RAD9A: variants seen among roughly 807,000 people sequenced by gnomAD.
The protein encoded by RAD9A is cell cycle checkpoint control protein RAD9A.
In RAD9A, 25 loss-of-function variants were observed where a neutral mutation model predicts 41.2. The ratio of observed to expected loss-of-function variants is 0.61; its 90% CI spans 0.44 to 0.85. RAD9A has a LOEUF of 0.85. Ranked by LOEUF, RAD9A falls within the 40% of genes least tolerant of loss-of-function variation. The pLI is 0.00. For missense variants in RAD9A, 514 were observed against 518.3 expected, an observed-to-expected ratio of 0.99 and a Z score of 0.08; for synonymous variants, 252 against 210.6, an observed-to-expected ratio of 1.20 and a Z score of -1.70.
In RAD9A at chr11:67,392,636, C is replaced by T; in HGVS notation, c.106-18C>T. 1 of 1,613,084 alleles carries T rather than the reference C, an allele frequency of 6.2e-7. No individual in the cohort carries two copies. Among genetic ancestry groups the T allele is most frequent in the Non-Finnish European group, 8.5e-7 (1 of 1,179,912 alleles). On this transcript the variant is annotated intron_variant, in intron 2 of 10. Transcript: ENST00000307980. ...CTGCCCCCTGACCACGTCCCTCTCC[C>T]TGCTCTTCGTGGCCCAGCTCTCCCT...
intron 3 of RAD9A, chr11:67,393,081 A>G: frequency 2.5e-6 from 1 of 401,892 alleles, no homozygotes; most frequent in Non-Finnish European, 4.3e-6. Context: ...GGAGTTCGAG[A>G]CCAGCCTGGC....
chr11:67,395,903 C>G lies in RAD9A; in HGVS notation c.560-9C>G, dbSNP rs756177528. ...CGGGGCCCAGGTTACTCCTGTTCTT[C>G]CCCAACAGACAGCACTGCCAAAGCC... On this transcript the variant is annotated splice_polypyrimidine_tract_variant and intron_variant, in intron 6 of 10. Coordinates refer to ENST00000307980, the MANE Select transcript of RAD9A (RefSeq NM_004584.3). The G allele has an allele frequency of 3.7e-6, 6 of 1,613,928 alleles. No individual in the cohort carries two copies. In the Admixed American group the frequency reaches 1.0e-4, roughly 27 times the overall value.
At chr11:67,395,599 T>C (rs1042948837) in intron 5 of RAD9A, 117 bp from the exon 6 acceptor site, 1 of 759,844 alleles carries the variant, frequency 1.3e-6, no homozygotes, top group Non-Finnish European at 2.1e-6. Context: ...TCATCCACGG[T>C]GCGCTAGGCC....
intron 2 of RAD9A, 124 bp downstream of exon 2, chr11:67,392,355 T>C: frequency 1.0e-6 from 1 of 969,932 alleles, no homozygotes; most frequent in South Asian, 1.7e-5. Flanking sequence ...TTCAGTTTCT[T>C]AGTCTGGCGG....
Position 67,398,028 on chromosome 11 carries a change from T to C in RAD9A, c.*469T>C. On this transcript the variant is annotated 3_prime_UTR_variant, in exon 11 of 11. Transcript: ENST00000307980. ...AGCTGACAAGTTTTCCTTGCTTTCC[T>C]GATACTCTTTGGCGCTGACTTGGAA... 1 of 200,060 alleles carries C rather than the reference T, an allele frequency of 5.0e-6. No homozygotes were observed. Among genetic ancestry groups the C allele is most frequent in the Non-Finnish European group, 1.0e-5 (1 of 97,686 alleles). 12.4% of individuals were successfully genotyped at this position (200,060 alleles called of 1,614,324 possible).
At chr11:67,392,812 C>A in intron 3 of RAD9A, 30 bp downstream of exon 3, 1 of 1,611,302 alleles carries the variant, frequency 6.2e-7, no homozygotes, top group South Asian at 1.1e-5. Context: ...AGTGGCACTA[C>A]TCCACCCCAG....
At position 67,393,696 on chromosome 11, in the gene RAD9A, CG is replaced by C; in HGVS notation, c.357del (p.Lys120ArgfsTer47). The C allele has an allele frequency of 6.2e-7, 1 of 1,613,026 alleles. No individual in the cohort carries two copies. On this transcript the variant is annotated frameshift_variant, in exon 5 of 11. Transcript: ENST00000307980. LOFTEE classifies it high-confidence loss of function. Reference protein sequence around the residue: ...VVQLHCKFGVRKTHNLSFQDC... With the variant: ...VVQLHCKFGVXKTHNLSFQDC... ...AGACCCTATCGCCCATCCAGGGGTG[CG>C]GAAGACTCACAACCTGTCCTTCCAG...
rs1157392689 is a variant in RAD9A, at chr11:67,393,484, T to C, written c.235-12T>C. On this transcript the variant is annotated splice_polypyrimidine_tract_variant and intron_variant, in intron 3 of 10. Coordinates refer to ENST00000307980, the MANE Select transcript of RAD9A (RefSeq NM_004584.3). ...GATGTGATGCTAGGCTGAGGTGTCT[T>C]ATCCCATGCAGTCTTTCCTGTCTGT... is the stretch of plus-strand genomic sequence containing the variant. The C allele has an allele frequency of 1.9e-5, 30 of 1,613,890 alleles. No homozygotes were observed. The highest frequency in any genetic ancestry group is 4.5e-5 in the East Asian group (2 of 44,878).
At chr11:67,394,592 G>A (rs1214444824) in intron 5 of RAD9A, among the ~76,000 whole-genome samples, 1 of 151,728 alleles carries the variant, frequency 6.6e-6, no homozygotes, top group East Asian at 1.9e-4. Flanking sequence ...AGAGACGGGG[G>A]CCAATTCCTT....
At chr11:67,397,024 C>T (rs2255990) in intron 9 of RAD9A, among the ~76,000 whole-genome samples, 155 bp from the exon 10 acceptor site, 7,986 of 152,222 alleles carry the variant, frequency 0.052, 236 homozygotes, top group East Asian at 0.1. Flanking sequence ...CACCACTTAA[C>T]CCCTGCATCC....
chr11:67,392,262 G>GGGGC, intron 2 of RAD9A, 31 bp downstream of exon 2: 2 of 600,784 alleles, frequency 3.3e-6, no homozygotes, highest in Non-Finnish European at 6.1e-6. Context: ...GGGCGGGTGG[G>GGGGC]ACTCCAGCCG....
At position 67,397,921 on chromosome 11, in the gene RAD9A, T is replaced by G. The variant is rs1862765501; in HGVS notation, c.*362T>G. 1 of 249,480 alleles carries G rather than the reference T, an allele frequency of 4.0e-6. No homozygotes were observed. The highest frequency in any genetic ancestry group is 7.7e-6 in the Non-Finnish European group (1 of 129,422). 15.5% of individuals were successfully genotyped at this position (249,480 alleles called of 1,614,324 possible). A position where few individuals can be genotyped will look rare whatever the true frequency, so the allele number is the denominator to read the frequency against. On this transcript the variant is annotated 3_prime_UTR_variant, in exon 11 of 11. Transcript: ENST00000307980. ...AGGAAAATGTCATAGTAGGTGCTGC[T>G]GGCCCCTGGTGATCCAGCTTCTCTG... is the stretch of plus-strand genomic sequence containing the variant.
rs199689239 is a variant in RAD9A, at chr11:67,393,780, G to A, written c.439G>A (p.Ala147Thr). The A allele has an allele frequency of 1.6e-5, 25 of 1,606,290 alleles. No individual in the cohort carries two copies. The Admixed American group carries it at 2.7e-4, about 17-fold the overall frequency. ...DPASCPHMLR[A>T]PARVLGEAVL... ...AGCCTCGTGCCCCCACATGCTCCGC[G>A]CCCCAGCACGGTGAGCACACCCCTG... The change falls in exon 5 of 11, where the codon GCC (alanine) becomes ACC (threonine). Residue 147 changes from alanine (A) to threonine (T), a missense_variant. Physicochemically the swap from Ala to Thr is moderately conservative, Grantham distance 58. This residue lies in a region of RAD9A where 268 missense variants were observed against 279.3 expected (regional missense o/e 0.96). Transcript: ENST00000307980.
rs775259591 is a variant in RAD9A, at chr11:67,393,750, G to T, written c.409G>T (p.Asp137Tyr). 8.7e-6 allele frequency: 14 copies of T among 1,612,278 alleles called. No individual in the cohort carries two copies. In the Admixed American group the frequency reaches 2.2e-4, roughly 25 times the overall value. The stretch of plus-strand genomic sequence containing the variant: ...CTGTGAGTCCCTGCAGGCCGTCTTC[G>T]ACCCAGCCTCGTGCCCCCACATGCT... Reference protein sequence around the residue: ...QDCESLQAVFDPASCPHMLRA... With the variant: ...QDCESLQAVFYPASCPHMLRA... Residue 137 changes from aspartate to tyrosine, a missense_variant, in exon 5 of 11, where the codon GAC (aspartate) becomes TAC (tyrosine). By Grantham distance (160) the Asp-to-Tyr change is radical (BLOSUM62 -3). Around this residue, in one of 3 missense-constraint regions of RAD9A, gnomAD observed 268 missense variants for 279.3 expected, o/e 0.96. Transcript: ENST00000307980.
intron 5 of RAD9A, 167 bp from the exon 6 acceptor site, chr11:67,395,548 AC>A (rs1246882430): frequency 1.6e-6 from 1 of 606,166 alleles, no homozygotes; most frequent in African/African-American, 1.9e-5. Context: ...GGTTTGAGCA[AC>A]CACTGCAACC....
Position 67,393,540 on chromosome 11 carries a change from G to A in RAD9A, c.279G>A (p.Thr93=), listed in dbSNP as rs143304577. 2.5e-5 allele frequency: 40 copies of A among 1,614,078 alleles called. No individual in the cohort carries two copies. The highest frequency in any genetic ancestry group is 1.0e-4 in the Admixed American group (6 of 60,000). The part of the protein sequence containing the change: ...VFRSLAMLEK[T]VEKCCISLNG... ...GCTCACTGGCGATGCTGGAGAAGAC[G>A]GTGGAAAAATGCTGCATCTCCCTGA... The change falls in exon 4 of 11, where the codon ACG becomes ACA. Residue 93 remains threonine (T), a synonymous_variant. Transcript: ENST00000307980.
At chr11:67,394,224 C>T (rs1862618047) in intron 5 of RAD9A, among the ~76,000 whole-genome samples, 2 of 152,226 alleles carry the variant, frequency 1.3e-5, no homozygotes. Context: ...AGGTGTTCCC[C>T]ATTCAACGGC....
chr11:67,397,250 G>A lies in RAD9A; in HGVS notation c.944G>A (p.Gly315Asp), dbSNP rs747072123. ...ATGATCGCCATGGAAACCACTATAGGCAATGAGGGCTCGCGGGTGCTGCCC... is the reference window on the plus strand; with the variant it reads ...ATGATCGCCATGGAAACCACTATAGACAATGAGGGCTCGCGGGTGCTGCCC... ...SYMIAMETTI[G>D]NEGSRVLPSI... The change falls in exon 10 of 11, where the codon GGC (glycine) becomes GAC (aspartate). Residue 315 changes from glycine (G) to aspartate (D), a missense_variant. Physicochemically the swap from Gly to Asp is moderately conservative, Grantham distance 94. This residue lies in a region of RAD9A where 216 missense variants were observed against 184.2 expected (regional missense o/e 1.17). Coordinates refer to ENST00000307980, the MANE Select transcript of RAD9A (RefSeq NM_004584.3). 3 of 1,613,278 alleles carry A rather than the reference G, an allele frequency of 1.9e-6. No homozygotes were observed. Among genetic ancestry groups the A allele is most frequent in the Middle Eastern group, 1.7e-4 (1 of 6,060 alleles).
At chr11:67,392,136 C>A (rs759596992) in intron 1 of RAD9A, 25 bp from the exon 2 acceptor site, 25 of 1,610,976 alleles carry the variant, frequency 1.6e-5, no homozygotes, top group Non-Finnish European at 2.0e-5. Context: ...GCCAGCCTAA[C>A]CCCCTTCCGC....
Sources: gnomAD v4.1 joint callset for allele counts (sites outside exome capture counted in the v4.1 genomes callset) on GRCh38, gnomAD v4.1.1 for gene constraint, gnomAD v4.1.1 regional missense constraint, MANE v1.5 for transcripts, NCBI Gene and HGNC (gene_info 2026-07-23, HGNC 2026-07-21) for gene names.